The following CNTNAP4 variants were observed in gnomAD, a reference collection of about 807,000 sequenced individuals.
CNTNAP4 encodes the protein contactin associated protein family member 4.
CNTNAP4 carries 98 observed loss-of-function variants against 148.4 expected under a neutral mutation model. That is an observed-to-expected ratio of 0.66 (90% CI 0.56 to 0.78). CNTNAP4 has a LOEUF of 0.78. CNTNAP4 is among the 30% of genes least tolerant of loss of function. The pLI is 0.00. For synonymous variants in CNTNAP4, 730 were observed against 565.1 expected, an observed-to-expected ratio of 1.29 and a Z score of -4.14; for missense variants, 1,935 against 1,565.6, an observed-to-expected ratio of 1.24 and a Z score of -3.98.
intron 4 of CNTNAP4, among the ~76,000 whole-genome samples, chr16:76,436,430 C>T (rs1214898854): frequency 6.6e-6 from 1 of 152,076 alleles, no homozygotes; most frequent in South Asian, 2.1e-4. Context: ...TCCACCTTTC[C>T]TTGCAGTTCA....
intron 2 of CNTNAP4, among the ~76,000 whole-genome samples, chr16:76,337,741 A>G (rs927149277): frequency 6.6e-6 from 1 of 152,176 alleles, no homozygotes; most frequent in African/African-American, 2.4e-5. Flanking sequence ...CTTCAACTGC[A>G]TAAGACAGAC....
intron 3 of CNTNAP4, among the ~76,000 whole-genome samples, chr16:76,361,481 G>A (rs1387360431): frequency 6.6e-6 from 1 of 152,164 alleles, no homozygotes; most frequent in Admixed American, 6.6e-5. Flanking sequence ...TTTTGAGGCA[G>A]AATGTGCTTT....
chr16:76,420,860 A>G (rs947874376), intron 3 of CNTNAP4, among the ~76,000 whole-genome samples: 4 of 151,754 alleles, frequency 2.6e-5, no homozygotes, highest in Non-Finnish European at 5.9e-5. Context: ...TTTTTATTCC[A>G]AAAGGAGGGT....
At chr16:76,467,942 G>C (rs1425352163) in intron 10 of CNTNAP4, among the ~76,000 whole-genome samples, 1 of 152,154 alleles carries the variant, frequency 6.6e-6, no homozygotes, top group Non-Finnish European at 1.5e-5. Context: ...CCTGACAGCA[G>C]AATATTTTCC....
intron 13 of CNTNAP4, 72 bp downstream of exon 13, chr16:76,489,955 T>C: frequency 9.5e-7 from 1 of 1,049,324 alleles, no homozygotes; most frequent in Non-Finnish European, 1.3e-6. Context: ...TCCTGAGAAT[T>C]TTAAGTCTGC....
chr16:76,342,321 A>G (rs1422104901), intron 2 of CNTNAP4, among the ~76,000 whole-genome samples: 3 of 152,152 alleles, frequency 2.0e-5, no homozygotes, highest in African/African-American at 2.4e-5. Flanking sequence ...ATATAACACA[A>G]TATTCTTCTT....
chr16:76,358,234 G>C (rs555006369), intron 3 of CNTNAP4, among the ~76,000 whole-genome samples: 1 of 152,254 alleles, frequency 6.6e-6, no homozygotes, highest in African/African-American at 2.4e-5. Context: ...TACTTGGGAG[G>C]CTGAGATGGG....
chr16:76,514,181 C>G (rs373853098), intron 15 of CNTNAP4, among the ~76,000 whole-genome samples: 3 of 152,244 alleles, frequency 2.0e-5, no homozygotes, highest in East Asian at 3.9e-4. Flanking sequence ...AACTCCACAC[C>G]TCTTTGTTGT....
intron 3 of CNTNAP4, among the ~76,000 whole-genome samples, chr16:76,373,402 A>G (rs1376258958): frequency 6.6e-6 from 1 of 152,162 alleles, no homozygotes; most frequent in East Asian, 1.9e-4. Flanking sequence ...ATCTATCCAT[A>G]TTCCCAATTG....
chr16:76,314,793 G>A (rs1177967484), intron 1 of CNTNAP4, among the ~76,000 whole-genome samples: 1 of 152,084 alleles, frequency 6.6e-6, no homozygotes, highest in African/African-American at 2.4e-5. Flanking sequence ...ACACCTCTGA[G>A]ACCACCTATC....
At chr16:76,421,890 G>A (rs11149897) in intron 3 of CNTNAP4, among the ~76,000 whole-genome samples, 56,023 of 151,992 alleles carry the variant, frequency 0.37, 10,527 homozygotes, top group Middle Eastern at 0.48. Context: ...AGAGTCTGCT[G>A]TGCAACTATG....
At chr16:76,531,400 A>G (rs528361916) in intron 17 of CNTNAP4, among the ~76,000 whole-genome samples, 1 of 152,260 alleles carries the variant, frequency 6.6e-6, no homozygotes, top group African/African-American at 2.4e-5. Flanking sequence ...ACCCAGAGAA[A>G]TTATTCAGAT....
chr16:76,504,539 T>C (rs917835556), intron 15 of CNTNAP4, among the ~76,000 whole-genome samples: 1 of 152,140 alleles, frequency 6.6e-6, no homozygotes, highest in South Asian at 2.1e-4. Context: ...AGGGAAAATC[T>C]TAGTGGCCTT....
At chr16:76,382,137 C>T (rs1208561213) in intron 3 of CNTNAP4, among the ~76,000 whole-genome samples, 1 of 138,642 alleles carries the variant, frequency 7.2e-6, no homozygotes, top group African/African-American at 2.7e-5. Context: ...AGAACAGAGA[C>T]AGAAGCTAGA....
intron 3 of CNTNAP4, among the ~76,000 whole-genome samples, chr16:76,423,339 C>G (rs562656822): frequency 3.8e-4 from 58 of 152,136 alleles, no homozygotes; most frequent in African/African-American, 1.3e-3. Context: ...ACAAAATTAG[C>G]TTGGCATGCA....
intron 2 of CNTNAP4, among the ~76,000 whole-genome samples, chr16:76,327,775 G>C (rs915369175): frequency 6.6e-6 from 1 of 152,182 alleles, no homozygotes; most frequent in Non-Finnish European, 1.5e-5. Context: ...AGAGCTGATG[G>C]ACAGAAACTT....
chr16:76,457,570 G>C (rs1056392665), intron 8 of CNTNAP4, among the ~76,000 whole-genome samples: 8 of 152,108 alleles, frequency 5.3e-5, no homozygotes, highest in Non-Finnish European at 1.0e-4. Context: ...AAGCCTTTTA[G>C]TTAATCCTGC....
chr16:76,278,496 A>G (rs1410814532), intron 1 of CNTNAP4, among the ~76,000 whole-genome samples: 1 of 152,234 alleles, frequency 6.6e-6, no homozygotes, highest in Non-Finnish European at 1.5e-5. Flanking sequence ...AATCTTATTT[A>G]TAATTTAGAT....
rs1353771039 is a variant in CNTNAP4, at chr16:76,558,641, A to G, written c.3885A>G (p.Ile1295Met). Residue 1295 changes from isoleucine (I) to methionine (M), a missense_variant, in exon 24 of 24, where the codon ATA becomes ATG. Ile to Met is a conservative substitution (Grantham distance 10). Coordinates refer to ENST00000611870, the MANE Select transcript of CNTNAP4 (RefSeq NM_033401.5). ...CTGTTCTGAAAAGTGAGCTTAATAT[A>G]CAAAATGCAGTCAATGAAAATCAGA... ...AEAVLKSELN[I>M]QNAVNENQKE... 2.5e-6 allele frequency: 4 copies of G among 1,611,820 alleles called. No individual in the cohort carries two copies. In the South Asian group the frequency reaches 4.4e-5, roughly 18 times the overall value.
Sources: gnomAD v4.1 joint callset for allele counts (sites outside exome capture counted in the v4.1 genomes callset) on GRCh38, gnomAD v4.1.1 for gene constraint, MANE v1.5 for transcripts, NCBI Gene and HGNC (gene_info 2026-07-23, HGNC 2026-07-21) for gene names.